Variants in ERCC1 observed in about 807,000 individuals in gnomAD.
ERCC1 encodes the protein ERCC excision repair 1, endonuclease non-catalytic subunit, also known as DNA excision repair protein ERCC-1.
In ERCC1, 36 loss-of-function variants were observed where a neutral mutation model predicts 37.6. The ratio of observed to expected loss-of-function variants is 0.96; its 90% CI spans 0.73 to 1.26. The LOEUF (loss-of-function observed/expected upper bound fraction) is 1.26, where lower values mean the gene tolerates loss of function less well. ERCC1 is among the 50% of genes most tolerant of loss of function. ERCC1 has a pLI of 0.00. For synonymous variants in ERCC1, 156 were observed against 162.1 expected (o/e 0.96, Z 0.28); for missense variants, 349 against 376.5 (o/e 0.93, Z 0.60).
chr19:45,436,352 C>A (rs1264884657), intron 1 of ERCC1, among the ~76,000 whole-genome samples: 1 of 152,302 alleles, frequency 6.6e-6, no homozygotes, highest in African/African-American at 2.4e-5. Context: ...TTCGGCCGGG[C>A]GCCGTGGCTC....
chr19:45,408,472 C>T lies in ERCC1; in HGVS notation c.*1203G>A. On this transcript the variant is annotated 3_prime_UTR_variant, in exon 10 of 10. Coordinates refer to ENST00000300853, the MANE Select transcript of ERCC1 (RefSeq NM_001983.4). Reference sequence around the variant, plus strand: ...GGCCTAGGTCAGCCTTGGCCCCCAACCTGCTCACCTCAGGGAAGAAGAAAA... The same window carrying T: ...GGCCTAGGTCAGCCTTGGCCCCCAATCTGCTCACCTCAGGGAAGAAGAAAA... The T allele has an allele frequency of 6.2e-7, 1 of 1,613,920 alleles. No homozygotes were observed. Among genetic ancestry groups the T allele is most frequent in the South Asian group, 1.1e-5 (1 of 91,076 alleles).
At chr19:45,415,380 T>A (rs1312609915) in intron 6 of ERCC1, among the ~76,000 whole-genome samples, 5 of 146,830 alleles carry the variant, frequency 3.4e-5, no homozygotes, top group Non-Finnish European at 7.4e-5. Flanking sequence ...CTCACGCCTA[T>A]AATCCCAGCA....
Position 45,408,219 on chromosome 19 carries a change from G to C in ERCC1, c.*1456C>G. The stretch of plus-strand genomic sequence containing the variant: ...AAGCGGCACCGCTATCGAGTCCTCA[G>C]CAGCTGTCCCCAAGCTGGAGAAGCG... On this transcript the variant is annotated 3_prime_UTR_variant, in exon 10 of 10. Transcript: ENST00000300853. 6.2e-7 allele frequency: 1 copy of C among 1,614,176 alleles called. No individual in the cohort carries two copies. The highest frequency in any genetic ancestry group is 8.5e-7 in the Non-Finnish European group (1 of 1,180,010).
At chr19:45,425,872 TGACA>T (rs1974677504), upstream of ERCC1, among the ~76,000 whole-genome samples, 2 of 152,358 alleles carry the variant, frequency 1.3e-5, no homozygotes, top group African/African-American at 4.8e-5. Flanking sequence ...TGCATGTACA[TGACA>T]TCCCTCTGTT....
At chr19:45,409,886 A>G in intron 9 of ERCC1, 161 bp from the exon 10 acceptor site, 1 of 249,712 alleles carries the variant, frequency 4.0e-6, no homozygotes, top group Non-Finnish European at 6.5e-6. Context: ...AGTTATTATT[A>G]TTATTATTAT....
At chr19:45,442,293 G>A (rs1039383284) in intron 1 of ERCC1, among the ~76,000 whole-genome samples, 9 of 148,750 alleles carry the variant, frequency 6.1e-5, no homozygotes, top group South Asian at 2.1e-4. Flanking sequence ...ACACTCCAGC[G>A]TGGGCAACAG....
rs371398284 is a variant in ERCC1, at chr19:45,409,019, G to C, written c.*656C>G. The C allele has an allele frequency of 5.0e-6, 8 of 1,613,982 alleles. No individual in the cohort carries two copies. The Middle Eastern group carries it at 6.6e-4, about 133-fold the overall frequency. On this transcript the variant is annotated 3_prime_UTR_variant, in exon 10 of 10. Transcript: ENST00000300853. ...AGGGACGGAGGCGATGGAGCCAGTG[G>C]AGCCGGAGATGAAGCCTCTGGAGTC...
At chr19:45,430,254 C>T (rs1373037334) in intron 1 of ERCC1, among the ~76,000 whole-genome samples, 1 of 152,230 alleles carries the variant, frequency 6.6e-6, no homozygotes, top group African/African-American at 2.4e-5. Context: ...AATAAAATGA[C>T]ATTTCCCGTT....
intron 1 of ERCC1, among the ~76,000 whole-genome samples, chr19:45,429,563 A>G (rs1378620056): frequency 6.6e-6 from 1 of 152,080 alleles, no homozygotes; most frequent in Non-Finnish European, 1.5e-5. Flanking sequence ...AGATATACAC[A>G]CTTGTTTCTC....
intron 2 of ERCC1, among the ~76,000 whole-genome samples, chr19:45,422,308 C>A (rs1033965937): frequency 6.6e-6 from 1 of 152,076 alleles, no homozygotes; most frequent in Non-Finnish European, 1.5e-5. Context: ...ACTCCAGCCC[C>A]ACCAGACTTC....
At position 45,414,756 on chromosome 19, in the gene ERCC1, G is replaced by A. The variant is rs1568578674; in HGVS notation, c.702+105C>T. 2.2e-5 allele frequency: 18 copies of A among 817,906 alleles called. No homozygotes were observed. In the South Asian group the frequency reaches 2.3e-4, roughly 10 times the overall value. 50.7% of individuals were successfully genotyped at this position (817,906 alleles called of 1,614,324 possible). ...TTCGGTGGGATGGGCCAGGAAAGACGAGGCCCAGGGATGAATGGACAGTGC... is the reference window on the plus strand; with the variant it reads ...TTCGGTGGGATGGGCCAGGAAAGACAAGGCCCAGGGATGAATGGACAGTGC... On this transcript the variant is annotated intron_variant, in intron 7 of 9. Transcript: ENST00000300853.
At chr19:45,423,991 T>C, upstream of ERCC1, 18 of 1,057,764 alleles carry the variant, frequency 1.7e-5, no homozygotes, top group Non-Finnish European at 1.8e-5. Context: ...TCTATGGTTC[T>C]GGAGGACCGC....
At position 45,423,821 on chromosome 19, in the gene ERCC1, AC is replaced by A. The variant is rs1163796682; in HGVS notation, c.-49del. The A allele has an allele frequency of 7.1e-6, 8 of 1,131,680 alleles. No individual in the cohort carries two copies. The highest frequency in any genetic ancestry group is 7.6e-6 in the Non-Finnish European group (7 of 916,052). 70.1% of individuals were successfully genotyped at this position (1,131,680 alleles called of 1,614,324 possible). A position where few individuals can be genotyped will look rare whatever the true frequency, so the allele number is the denominator to read the frequency against. Reference sequence around the variant, plus strand: ...CACGGTTTCAGCGCCGCGAGGCCTCACCTGCTGGTCTTGGAGCCTCAAGGGA... The same window carrying A: ...CACGGTTTCAGCGCCGCGAGGCCTCACTGCTGGTCTTGGAGCCTCAAGGGA... On this transcript the variant is annotated 5_prime_UTR_variant, in exon 1 of 10. Transcript: ENST00000300853.
chr19:45,412,577 TTTGA>T (rs1300512019), intron 9 of ERCC1, among the ~76,000 whole-genome samples: 1 of 152,204 alleles, frequency 6.6e-6, no homozygotes, highest in Non-Finnish European at 1.5e-5. Context: ...TTGCCCACTT[TTTGA>T]TTGGATTATT....
Position 45,409,168 on chromosome 19 carries a change from G to A in ERCC1, c.*507C>T, listed in dbSNP as rs200242647. The A allele has an allele frequency of 2.7e-5, 44 of 1,613,636 alleles. No individual in the cohort carries two copies. The Admixed American group carries it at 7.2e-4, about 26-fold the overall frequency. On this transcript the variant is annotated 3_prime_UTR_variant, in exon 10 of 10. Transcript: ENST00000300853. ...AGCAAGATGCCACAGTGGAGCCAGA[G>A]ACAGAGGTGGTGGGGCCTGAGCTGC...
chr19:45,438,090 T>C (rs1429038534), intron 1 of ERCC1, among the ~76,000 whole-genome samples: 1 of 152,114 alleles, frequency 6.6e-6, no homozygotes, highest in Non-Finnish European at 1.5e-5. Flanking sequence ...TTTTGTATTT[T>C]TAGTAGAGAT....
chr19:45,420,254 A>G lies in ERCC1; in HGVS notation c.425+70T>C. On this transcript the variant is annotated intron_variant, in intron 4 of 9. Transcript: ENST00000300853. This position sits in a 1 kb window ranked among gnomAD's most constrained non-coding sequence, Gnocchi z 4.8. ...GGCTTCTCATAGAACAGTCCAGAAC[A>G]CTGGGACATGACCCTCCCAGGCCAG... 1 of 997,696 alleles carries G rather than the reference A, an allele frequency of 1.0e-6. No individual in the cohort carries two copies. Among genetic ancestry groups the G allele is most frequent in the Non-Finnish European group, 1.6e-6 (1 of 640,272 alleles). The allele number at this position is 997,696 out of a possible 1,614,324, so 61.8% of individuals were successfully genotyped here. A position where few individuals can be genotyped will look rare whatever the true frequency, so the allele number is the denominator to read the frequency against.
intron 2 of ERCC1, among the ~76,000 whole-genome samples, chr19:45,422,943 A>AT (rs1221980778): frequency 5.3e-5 from 8 of 152,232 alleles, no homozygotes; most frequent in Admixed American, 3.3e-4. Flanking sequence ...TAAAGTGTAG[A>AT]TTTTTTTAAG....
rs572685240 is a variant in ERCC1 at position 45,450,143 on chromosome 19, G to A, written c.-7-26762C>T. Among the ~76,000 whole-genome samples, 4 of 152,286 alleles carry A rather than the reference G, an allele frequency of 2.6e-5. No individual in the cohort carries two copies. The East Asian group carries it at 7.7e-4, about 29-fold the overall frequency. ...ATTTCAGGAAGGAAGGAGGCTCAGA[G>A]GAAGTCACAGGTCAAGGTTCCGGAG... On this transcript the variant is annotated intron_variant, in intron 1 of 8. Transcript: ENST00000423698.
Sources: gnomAD v4.1 joint callset for allele counts (sites outside exome capture counted in the v4.1 genomes callset) on GRCh38, gnomAD v4.1.1 for gene constraint, Gnocchi (gnomAD v3.1) non-coding constraint, MANE v1.5 for transcripts, NCBI Gene and HGNC (gene_info 2026-07-23, HGNC 2026-07-21) for gene names.